The following CCDC148 variants were observed in gnomAD, a reference collection of about 807,000 sequenced individuals.
CCDC148 encodes coiled-coil domain containing 148.
In CCDC148, 89 loss-of-function variants were observed where a neutral mutation model predicts 85.7. The observed-to-expected ratio is 1.04, with a 90% CI of 0.87 to 1.24. The LOEUF (loss-of-function observed/expected upper bound fraction) is 1.24, where lower values mean the gene tolerates loss of function less well. Among genes scored for constraint, CCDC148 ranks in the 50% most tolerant of loss-of-function variants. CCDC148 has a pLI of 0.00. For synonymous variants in CCDC148, 230 were observed against 213.9 expected (o/e 1.08, Z -0.66); for missense variants, 692 against 671.7 (o/e 1.03, Z -0.33).
Position 158,338,873 on chromosome 2 carries a change from G to T in CCDC148, c.617C>A (p.Pro206Gln). The change falls in exon 7 of 14, where the codon CCG becomes CAG. Residue 206 changes from proline to glutamine, a missense_variant. Pro to Gln is a moderately conservative substitution (Grantham distance 76). Transcript: ENST00000283233. Reference protein sequence around the residue: ...LDHSLEEKTNPLSELPIELES... With the variant: ...LDHSLEEKTNQLSELPIELES... The stretch of plus-strand genomic sequence containing the variant: ...TAATTCAATGGGCAGTTCACTAAGC[G>T]GGTTAGTCTTTTCTTCCAAAGAATG... 6.2e-7 allele frequency: 1 copy of T among 1,607,828 alleles called. No homozygotes were observed. The highest frequency in any genetic ancestry group is 8.5e-7 in the Non-Finnish European group (1 of 1,178,498).
At chr2:158,287,704 C>A (rs140602399) in intron 9 of CCDC148, among the ~76,000 whole-genome samples, 1 of 152,202 alleles carries the variant, frequency 6.6e-6, no homozygotes, top group Non-Finnish European at 1.5e-5. Flanking sequence ...GCTGCTTTCA[C>A]GGGCTGGCAT....
At chr2:158,298,153 TAGG>T (rs1019252776) in intron 9 of CCDC148, among the ~76,000 whole-genome samples, 7 of 152,120 alleles carry the variant, frequency 4.6e-5, no homozygotes, top group Admixed American at 3.9e-4. Flanking sequence ...CACTCAGTAA[TAGG>T]AGAACAGGAT....
At chr2:158,183,560 AAAACAAACAAAG>A (rs1461627602) in intron 11 of CCDC148, among the ~76,000 whole-genome samples, 1 of 152,298 alleles carries the variant, frequency 6.6e-6, no homozygotes, top group African/African-American at 2.4e-5. Context: ...TCTACAATTT[AAAACAAACAAAG>A]AAACAAACAA....
rs2105175555 is a variant in CCDC148, at chr2:158,281,289, GA to G, written c.1110+28143del. On this transcript the variant is annotated intron_variant, in intron 9 of 13. Coordinates refer to ENST00000283233, the MANE Select transcript of CCDC148 (RefSeq NM_138803.4). ...AAATAACGAAAATCAGAGCAGAACTGAAGGAAATAGAGACACAAAAAACCCT... is the reference window on the plus strand; with the variant it reads ...AAATAACGAAAATCAGAGCAGAACTGAGGAAATAGAGACACAAAAAACCCT... Among the ~76,000 whole-genome samples the G allele has an allele frequency of 1.3e-5, 2 of 152,196 alleles. 1 individual carries two copies. Among genetic ancestry groups the G allele is most frequent in the Admixed American group, 1.3e-4 (2 of 15,292 alleles).
chr2:158,211,188 A>T (rs909035833), intron 11 of CCDC148, among the ~76,000 whole-genome samples: 1 of 133,148 alleles, frequency 7.5e-6, no homozygotes, highest in Non-Finnish European at 1.6e-5. Flanking sequence ...GTATAATAAT[A>T]AAAAAAAAGA....
rs532381290 is a variant in CCDC148, at chr2:158,376,421, C to T, written c.26-17851G>A. ...CAGTTATGCAAGGAGTAATTTTCCT[C>T]TAAAATGTTACACAAAGGGTATTTT... On this transcript the variant is annotated intron_variant, in intron 1 of 13. Transcript: ENST00000283233. Among the ~76,000 whole-genome samples, 9 of 152,096 alleles carry T rather than the reference C, an allele frequency of 5.9e-5. No homozygotes were observed. The East Asian group carries it at 1.4e-3, about 23-fold the overall frequency.
intron 10 of CCDC148, among the ~76,000 whole-genome samples, chr2:158,248,809 C>A (rs1271807020): frequency 1.3e-5 from 2 of 152,038 alleles, no homozygotes; most frequent in African/African-American, 4.8e-5. Flanking sequence ...TTCTCCTCAG[C>A]CTTCATCTTT....
chr2:158,364,945 A>C (rs1684131891), intron 1 of CCDC148, among the ~76,000 whole-genome samples: 1 of 152,194 alleles, frequency 6.6e-6, no homozygotes, highest in Non-Finnish European at 1.5e-5. Context: ...GAATCTACAA[A>C]GAACTTAAAC....
At chr2:158,192,414 G>A (rs1685465658) in intron 11 of CCDC148, among the ~76,000 whole-genome samples, 1 of 152,032 alleles carries the variant, frequency 6.6e-6, no homozygotes, top group Non-Finnish European at 1.5e-5. Flanking sequence ...GAAAGCAGCT[G>A]GGGAAGGGTA....
chr2:158,173,892 T>TAA (rs1684441854), intron 13 of CCDC148, among the ~76,000 whole-genome samples: 1 of 152,012 alleles, frequency 6.6e-6, no homozygotes, highest in Admixed American at 6.6e-5. Context: ...TTTTTTTTAT[T>TAA]ATTCAATTTT....
intron 1 of CCDC148, among the ~76,000 whole-genome samples, chr2:158,407,123 G>T (rs1390269926): frequency 6.6e-6 from 1 of 151,770 alleles, no homozygotes; most frequent in African/African-American, 2.4e-5. Context: ...AATTATTTCT[G>T]CCTGGGCTTT....
chr2:158,434,875 C>A (rs1163819091), intron 1 of CCDC148, among the ~76,000 whole-genome samples: 1 of 152,206 alleles, frequency 6.6e-6, no homozygotes, highest in Admixed American at 6.5e-5. Context: ...GAAAGGGTAT[C>A]AGTGATTGAA....
At chr2:158,292,371 A>T (rs1460548554) in intron 9 of CCDC148, among the ~76,000 whole-genome samples, 1 of 152,224 alleles carries the variant, frequency 6.6e-6, no homozygotes, top group East Asian at 1.9e-4. Flanking sequence ...AATGTACTTG[A>T]ATACTGCAGA....
chr2:158,419,649 G>C (rs966606814), intron 1 of CCDC148, among the ~76,000 whole-genome samples: 1 of 152,118 alleles, frequency 6.6e-6, no homozygotes, highest in African/African-American at 2.4e-5. Context: ...GAACATATGA[G>C]ATAATAAAAG....
intron 1 of CCDC148, among the ~76,000 whole-genome samples, chr2:158,407,679 A>T (rs544359581): frequency 4.6e-5 from 7 of 152,190 alleles, no homozygotes; most frequent in Non-Finnish European, 1.0e-4. Context: ...CAAAATTAAA[A>T]ATAATGTGGG....
chr2:158,171,926 C>T lies in CCDC148; in HGVS notation c.*187G>A. Reference sequence around the variant, plus strand: ...GGGAATTTAGTACTATTAAATATAACTTAAAGATACAGGAAATATAGTGCA... The same window carrying T: ...GGGAATTTAGTACTATTAAATATAATTTAAAGATACAGGAAATATAGTGCA... On this transcript the variant is annotated 3_prime_UTR_variant, in exon 14 of 14. Transcript: ENST00000283233. The T allele has an allele frequency of 2.1e-6, 1 of 469,402 alleles. No individual in the cohort carries two copies. The highest frequency in any genetic ancestry group is 3.8e-5 in the East Asian group (1 of 26,242). The allele number at this position is 469,402 out of a possible 1,614,324, so 29.1% of individuals were successfully genotyped here.
intron 1 of CCDC148, among the ~76,000 whole-genome samples, chr2:158,406,629 T>TTTTTTTTTTTTTTTTTTTGTTTTTG (rs1686031138): frequency 8.5e-6 from 1 of 117,486 alleles, no homozygotes; most frequent in Non-Finnish European, 1.8e-5. Context: ...TTTTTTTTTT[T>TTTTTTTTTTTTTTTTTTTGTTTTTG]TTTTTTTTTT....
At position 158,176,419 on chromosome 2, in the gene CCDC148, C is replaced by T; in HGVS notation, c.1629+102G>A. On this transcript the variant is annotated intron_variant, in intron 13 of 13. Coordinates refer to ENST00000283233, the MANE Select transcript of CCDC148 (RefSeq NM_138803.4). ...AAATTATGCTAATATGTAAGATATT[C>T]AAATGTAAATATTGAAAACTGTTGT... is the stretch of plus-strand genomic sequence containing the variant. 2 of 1,121,072 alleles carry T rather than the reference C, an allele frequency of 1.8e-6. 1 individual carries two copies. The allele number at this position is 1,121,072 out of a possible 1,614,324, so 69.4% of individuals were successfully genotyped here.
chr2:158,177,554 A>G (rs772544067), intron 12 of CCDC148, among the ~76,000 whole-genome samples: 25 of 152,132 alleles, frequency 1.6e-4, no homozygotes, highest in Admixed American at 1.3e-4. Flanking sequence ...GATGGAAAGA[A>G]TTCTAATCAT....
Sources: allele counts gnomAD v4.1 joint callset (sites outside exome capture counted in the v4.1 genomes callset), GRCh38; gene constraint gnomAD v4.1.1; transcripts MANE v1.5; gene names NCBI Gene and HGNC (gene_info 2026-07-23, HGNC 2026-07-21).